TMA7B: variants seen among roughly 807,000 people sequenced by gnomAD.
TMA7B encodes the protein translation machinery associated 7 homolog B, also known as translation machinery-associated protein 7B.
chr22:39,962,582 A>G, the TMA7B span, among the ~76,000 whole-genome samples: 1 of 152,124 alleles, frequency 6.6e-6, no homozygotes, highest in Non-Finnish European at 1.5e-5. Context: ...AATTTGTTAG[A>G]CTGAGGGGTA....
At chr22:39,964,678 G>A in the TMA7B span, 10 of 503,286 alleles carry the variant, frequency 2.0e-5, no homozygotes, top group Admixed American at 3.7e-5. Context: ...ATTAAGTGTC[G>A]TCTTGGAGCT....
chr22:39,961,497 C>T, the TMA7B span, among the ~76,000 whole-genome samples: 1 of 152,154 alleles, frequency 6.6e-6, no homozygotes, highest in African/African-American at 2.4e-5. Context: ...TACAGCAAGA[C>T]CGAAAACCAC....
At chr22:39,964,138 T>C in the TMA7B span, 2 of 475,036 alleles carry the variant, frequency 4.2e-6, no homozygotes, top group Non-Finnish European at 7.4e-6. Flanking sequence ...TAGATATAAA[T>C]GTATGTCTGT....
the TMA7B span, chr22:39,964,254 T>C: frequency 1.7e-6 from 1 of 602,936 alleles, no homozygotes; most frequent in African/African-American, 1.9e-5. Context: ...TAAAATCCAT[T>C]TTCTCTAGCC....
At chr22:39,964,358 A>G in the TMA7B span, 1 of 715,302 alleles carries the variant, frequency 1.4e-6, no homozygotes. Context: ...GGGTCTGGGG[A>G]AGGGGCGGCA....
At chr22:39,964,593 C>T in the TMA7B span, 394 of 770,642 alleles carry the variant, frequency 5.1e-4, 7 homozygotes, top group East Asian at 5.1e-4. Context: ...CCTAAGGAGA[C>T]GGTGACCCTT....
the TMA7B span, chr22:39,964,183 C>G: frequency 1.3e-5 from 7 of 526,156 alleles, no homozygotes; most frequent in African/African-American, 1.2e-4. Context: ...AAGAGAATGA[C>G]TTGGCAATGA....
chr22:39,963,634 C>A, the TMA7B span, among the ~76,000 whole-genome samples: 1 of 152,106 alleles, frequency 6.6e-6, no homozygotes, highest in Non-Finnish European at 1.5e-5. Context: ...GTGGCTTCAC[C>A]CAGCTATGAG....
At chr22:39,964,291 T>G in the TMA7B span, 1 of 657,270 alleles carries the variant, frequency 1.5e-6, no homozygotes. Flanking sequence ...CCATCACTTG[T>G]GAGTCCAGAC....
chr22:39,964,781 C>G, the TMA7B span: 1 of 413,318 alleles, frequency 2.4e-6, no homozygotes, highest in Non-Finnish European at 4.2e-6. Flanking sequence ...CTAAGTCATT[C>G]CTACCATAAC....
chr22:39,963,045 C>A, the TMA7B span, among the ~76,000 whole-genome samples: 1 of 152,172 alleles, frequency 6.6e-6, no homozygotes, highest in African/African-American at 2.4e-5. Context: ...CCGAAGTCTT[C>A]CCCTGATATT....
the TMA7B span, among the ~76,000 whole-genome samples, chr22:39,961,787 T>C: frequency 1.3e-5 from 2 of 152,212 alleles, no homozygotes; most frequent in African/African-American, 4.8e-5. Flanking sequence ...ACCGATCTGG[T>C]TTATTCAATA....
At chr22:39,963,594 C>CTT in the TMA7B span, among the ~76,000 whole-genome samples, 1 of 152,164 alleles carries the variant, frequency 6.6e-6, no homozygotes. Flanking sequence ...CACCCGAAAT[C>CTT]AGTCAAGCAA....
At chr22:39,964,088 T>C in the TMA7B span, 3 of 331,998 alleles carry the variant, frequency 9.0e-6, no homozygotes, top group Non-Finnish European at 1.6e-5. Flanking sequence ...GACCTTTCTT[T>C]TACATCAGGC....
the TMA7B span, among the ~76,000 whole-genome samples, chr22:39,962,379 C>T: frequency 5.9e-5 from 9 of 151,988 alleles, no homozygotes; most frequent in African/African-American, 1.2e-4. Context: ...CAAGATCGAT[C>T]GCACCACTGC....
chr22:39,963,260 C>A, the TMA7B span, among the ~76,000 whole-genome samples: 1 of 152,144 alleles, frequency 6.6e-6, no homozygotes, highest in Non-Finnish European at 1.5e-5. Context: ...AGTCCAGCGC[C>A]CTGAGTCGCA....
At chr22:39,964,626 C>T in the TMA7B span, 1 of 666,000 alleles carries the variant, frequency 1.5e-6, no homozygotes. Flanking sequence ...ATTTAAACCT[C>T]TCTATTCCCT....
At chr22:39,963,722 T>C in the TMA7B span, among the ~76,000 whole-genome samples, 2 of 152,144 alleles carry the variant, frequency 1.3e-5, no homozygotes, top group Non-Finnish European at 2.9e-5. Flanking sequence ...AATCCATCCC[T>C]AAGAAACCTC....
At chr22:39,964,176 A>G in the TMA7B span, 1 of 528,848 alleles carries the variant, frequency 1.9e-6, no homozygotes, top group Non-Finnish European at 3.3e-6. Flanking sequence ...CATCCAAAAG[A>G]GAATGACTTG....
Sources: gnomAD v4.1 joint callset for allele counts (sites outside exome capture counted in the v4.1 genomes callset) on GRCh38, gnomAD v4.1.1 for gene constraint, MANE v1.5 for transcripts, NCBI Gene and HGNC (gene_info 2026-07-23, HGNC 2026-07-21) for gene names.